Variants in STX18 observed in about 807,000 individuals in gnomAD.
STX18 encodes syntaxin 18, also known as syntaxin-18.
A neutral mutation model predicts 50.1 loss-of-function variants in STX18; 40 were observed. The ratio of observed to expected loss-of-function variants is 0.80; its 90% CI spans 0.62 to 1.04. The LOEUF is 1.04. STX18 is among the 50% of genes least tolerant of loss of function. The pLI is 0.00. For synonymous variants in STX18, 158 were observed against 151.8 expected, an observed-to-expected ratio of 1.04 and a Z score of -0.30; for missense variants, 410 against 415.8, an observed-to-expected ratio of 0.99 and a Z score of 0.12.
At chr4:4,461,011 G>A (rs1727348071) in intron 2 of STX18, among the ~76,000 whole-genome samples, 1 of 152,088 alleles carries the variant, frequency 6.6e-6, no homozygotes, top group Admixed American at 6.5e-5. Flanking sequence ...GAGTCAGAAA[G>A]GTACCAACTC....
At chr4:4,442,627 A>G (rs2108796996) in intron 5 of STX18, among the ~76,000 whole-genome samples, 1 of 152,220 alleles carries the variant, frequency 6.6e-6, no homozygotes, top group Non-Finnish European at 1.5e-5. Context: ...AAAACAAAAC[A>G]AAACAAACGA....
At chr4:4,455,378 T>C (rs1727012536) in intron 5 of STX18, among the ~76,000 whole-genome samples, 2 of 152,212 alleles carry the variant, frequency 1.3e-5, no homozygotes, top group African/African-American at 4.8e-5. Context: ...CTGCTTACTA[T>C]CTTCCACAAA....
chr4:4,525,006 G>A (rs953356822), intron 1 of STX18, among the ~76,000 whole-genome samples: 2 of 152,144 alleles, frequency 1.3e-5, no homozygotes, highest in African/African-American at 4.8e-5. Flanking sequence ...CAAAATAGAA[G>A]AATGAGATTC....
At position 4,420,916 on chromosome 4, in the gene STX18, A is replaced by G; in HGVS notation, c.860T>C (p.Leu287Ser). The change falls in exon 10 of 11, where the codon TTA (leucine) becomes TCA (serine). Residue 287 changes from leucine to serine, a missense_variant. Transcript: ENST00000306200. The surrounding 1 kb of genome is among the most constrained non-coding windows in gnomAD (Gnocchi z 4.3). ...QEAEIDSIHQ[L>S]VVGATENIKE... is the part of the protein sequence containing the mutation. ...GATATTTTCAGTTGCCCCCACAACT[A>G]ACTGGTGAATGCTGTCAATCTCAGC... 1 of 1,614,160 alleles carries G rather than the reference A, an allele frequency of 6.2e-7. No homozygotes were observed. Among genetic ancestry groups the G allele is most frequent in the Non-Finnish European group, 8.5e-7 (1 of 1,180,032 alleles).
chr4:4,511,974 A>C (rs148597599), intron 1 of STX18, among the ~76,000 whole-genome samples: 365 of 152,232 alleles, frequency 2.4e-3, no homozygotes, highest in Middle Eastern at 0.014. Context: ...TGTACATTGT[A>C]GAATGTTTAG....
chr4:4,422,591 A>G (rs1386107904), intron 9 of STX18, among the ~76,000 whole-genome samples: 1 of 149,224 alleles, frequency 6.7e-6, no homozygotes, highest in East Asian at 1.9e-4. Context: ...AAAGAAAAAG[A>G]AAAAAAAAGA....
At chr4:4,510,837 G>T (rs1298479377) in intron 1 of STX18, among the ~76,000 whole-genome samples, 2 of 152,202 alleles carry the variant, frequency 1.3e-5, no homozygotes, top group African/African-American at 4.8e-5. Flanking sequence ...AAAAGAATGA[G>T]ATCACGTCCT....
At chr4:4,427,645 G>C (rs1560157797) in intron 7 of STX18, among the ~76,000 whole-genome samples, 1 of 152,182 alleles carries the variant, frequency 6.6e-6, no homozygotes, top group African/African-American at 2.4e-5. Context: ...AAATTAACTA[G>C]TGGTTTGGGG....
intron 1 of STX18, among the ~76,000 whole-genome samples, chr4:4,501,357 C>G (rs1043464228): frequency 6.6e-6 from 1 of 152,234 alleles, no homozygotes; most frequent in Non-Finnish European, 1.5e-5. Flanking sequence ...GCAGGCCACA[C>G]TCCAGGACCA....
chr4:4,494,064 C>T (rs1386691989), intron 1 of STX18, among the ~76,000 whole-genome samples: 1 of 152,148 alleles, frequency 6.6e-6, no homozygotes, highest in Non-Finnish European at 1.5e-5. Context: ...ATCTCAAAGT[C>T]TTACACTGGG....
chr4:4,459,004 T>C (rs1727225145), intron 3 of STX18, among the ~76,000 whole-genome samples: 1 of 151,708 alleles, frequency 6.6e-6, no homozygotes, highest in African/African-American at 2.4e-5. Flanking sequence ...GGCACACATG[T>C]GCATACACAC....
At chr4:4,427,745 G>A (rs1272789180) in intron 7 of STX18, among the ~76,000 whole-genome samples, 6 of 152,198 alleles carry the variant, frequency 3.9e-5, no homozygotes, top group African/African-American at 1.4e-4. Flanking sequence ...CTTAGGTGCG[G>A]CACCTCCTCT....
At chr4:4,445,525 A>G (rs1341479946) in intron 5 of STX18, among the ~76,000 whole-genome samples, 1 of 152,176 alleles carries the variant, frequency 6.6e-6, no homozygotes, top group Non-Finnish European at 1.5e-5. Flanking sequence ...AATTAATTGT[A>G]TTTCTATATA....
intron 1 of STX18, among the ~76,000 whole-genome samples, chr4:4,501,445 A>G (rs777497847): frequency 1.1e-4 from 16 of 152,190 alleles, no homozygotes; most frequent in Non-Finnish European, 2.2e-4. Context: ...ATTCTAATGC[A>G]ATTAAACCCA....
intron 9 of STX18, among the ~76,000 whole-genome samples, chr4:4,422,701 T>C (rs1290340292): frequency 6.6e-6 from 1 of 151,792 alleles, no homozygotes; most frequent in Non-Finnish European, 1.5e-5. Flanking sequence ...TGAAGCAGGG[T>C]AGTGTTATTA....
intron 1 of STX18, among the ~76,000 whole-genome samples, chr4:4,531,753 T>C (rs1323374711): frequency 6.6e-6 from 1 of 152,246 alleles, no homozygotes; most frequent in East Asian, 1.9e-4. Flanking sequence ...CATCCAGAAC[T>C]GGTAATAAGT....
At chr4:4,527,203 T>C (rs1466043197) in intron 1 of STX18, among the ~76,000 whole-genome samples, 1 of 152,196 alleles carries the variant, frequency 6.6e-6, no homozygotes, top group Non-Finnish European at 1.5e-5. Flanking sequence ...CACATTCTAT[T>C]CTTTGGAAAA....
At chr4:4,487,887 C>T (rs1728767429) in intron 1 of STX18, among the ~76,000 whole-genome samples, 2 of 152,280 alleles carry the variant, frequency 1.3e-5, no homozygotes, top group Non-Finnish European at 1.5e-5. Flanking sequence ...CAAAGCCTGG[C>T]ATAGTTCCTA....
At chr4:4,421,607 C>G (rs549866584) in intron 9 of STX18, among the ~76,000 whole-genome samples, 337 of 152,244 alleles carry the variant, frequency 2.2e-3, no homozygotes, top group African/African-American at 7.7e-3. Flanking sequence ...ATCCCTCCTG[C>G]GCCACTCGCC....
Sources: gnomAD v4.1 joint callset for allele counts (sites outside exome capture counted in the v4.1 genomes callset) on GRCh38, gnomAD v4.1.1 for gene constraint, Gnocchi (gnomAD v3.1) non-coding constraint, MANE v1.5 for transcripts, NCBI Gene and HGNC (gene_info 2026-07-23, HGNC 2026-07-21) for gene names.